The following TMPRSS15 variants were observed in gnomAD, a reference collection of about 807,000 sequenced individuals.
The protein encoded by TMPRSS15 is enteropeptidase.
A neutral mutation model predicts 125.3 loss-of-function variants in TMPRSS15; 128 were observed. That is an observed-to-expected ratio of 1.02 (90% CI 0.89 to 1.18). The LOEUF is 1.18. TMPRSS15 is among the 50% of genes most tolerant of loss of function. TMPRSS15 has a pLI of 0.00. For missense variants in TMPRSS15, 1,283 were observed against 1,212.7 expected (o/e 1.06, Z -0.86); for synonymous variants, 446 against 423.2 (o/e 1.05, Z -0.66).
chr21:18,477,988 TTAAATC>T (rs1056461513), intron 1 of TMPRSS15, among the ~76,000 whole-genome samples: 4 of 151,924 alleles, frequency 2.6e-5, no homozygotes, highest in African/African-American at 9.7e-5. Flanking sequence ...TAATGGCCAT[TTAAATC>T]TATAAAGTCA....
At chr21:18,388,789 A>G (rs1015100873) in intron 3 of TMPRSS15, among the ~76,000 whole-genome samples, 3 of 152,212 alleles carry the variant, frequency 2.0e-5, no homozygotes, top group African/African-American at 7.2e-5. Flanking sequence ...TTTCCCGTGT[A>G]ATGTTACACT....
rs750580774 is a variant in TMPRSS15, at chr21:18,397,996, C to A, written c.277-50G>T. 1.6e-5 allele frequency: 21 copies of A among 1,339,524 alleles called. No homozygotes were observed. The East Asian group carries it at 5.2e-4, about 33-fold the overall frequency. 83.0% of individuals were successfully genotyped at this position (1,339,524 alleles called of 1,614,324 possible). On this transcript the variant is annotated intron_variant, in intron 2 of 24. Coordinates refer to ENST00000284885, the MANE Select transcript of TMPRSS15 (RefSeq NM_002772.3). ...GAGTATACTAAATTTAGGATTTTAA[C>A]TTTTGTTGAAAAATTTATACAAAGC...
upstream of TMPRSS15, among the ~76,000 whole-genome samples, chr21:18,403,860 G>A (rs922229006): frequency 6.6e-6 from 1 of 152,280 alleles, no homozygotes; most frequent in Admixed American, 6.5e-5. Flanking sequence ...GAGTAAAGAT[G>A]CCTAGAGTTG....
chr21:18,308,194 G>A (rs2075057020), intron 18 of TMPRSS15, among the ~76,000 whole-genome samples: 2 of 152,038 alleles, frequency 1.3e-5, no homozygotes, highest in Non-Finnish European at 2.9e-5. Flanking sequence ...TGGAATGAAT[G>A]CCACTTACCC....
intron 13 of TMPRSS15, among the ~76,000 whole-genome samples, chr21:18,334,414 C>T (rs1362582316): frequency 6.6e-6 from 1 of 152,084 alleles, no homozygotes; most frequent in African/African-American, 2.4e-5. Context: ...TGCATGTTAT[C>T]TCATATGGGG....
In TMPRSS15 at chr21:18,319,372, A is replaced by C. The variant is rs574285760; in HGVS notation, c.1922-4116T>G. 2.6e-5 allele frequency among the ~76,000 whole-genome samples: 4 copies of C among 151,972 alleles called. No homozygotes were observed. In the South Asian group the frequency reaches 6.2e-4, roughly 24 times the overall value. On this transcript the variant is annotated intron_variant, in intron 16 of 24. Coordinates refer to ENST00000284885, the MANE Select transcript of TMPRSS15 (RefSeq NM_002772.3). ...ATATACAGAGAATACGCAGTAGATA[A>C]TATTTTTAACAGTAAAAACAGTAAC...
intron 16 of TMPRSS15, among the ~76,000 whole-genome samples, chr21:18,325,229 T>A (rs1005757164): frequency 1.5e-5 from 1 of 68,424 alleles, no homozygotes; most frequent in African/African-American, 6.2e-5. Flanking sequence ...GATCTCAAAG[T>A]ATTTACTCAT....
chr21:18,428,633 A>G (rs2076209387), intron 1 of TMPRSS15, among the ~76,000 whole-genome samples: 1 of 152,170 alleles, frequency 6.6e-6, no homozygotes, highest in Admixed American at 6.5e-5. Flanking sequence ...GGAAGCCCCA[A>G]GCCTTTTCAG....
Position 18,275,233 on chromosome 21 carries a change from ACATAT to A in TMPRSS15, c.2863_2867del (p.Ile955CysfsTer4), listed in dbSNP as rs1480892202. ...CTATTCCTCCTTCTTCATAGCCTGC[ACATAT>A]CATATTTTCAGTAATGTTATATTCT... On this transcript the variant is annotated frameshift_variant, in exon 24 of 25. Coordinates refer to ENST00000284885, the MANE Select transcript of TMPRSS15 (RefSeq NM_002772.3). LOFTEE classifies it high-confidence loss of function. The A allele has an allele frequency of 1.2e-6, 2 of 1,613,998 alleles. No individual in the cohort carries two copies. The highest frequency in any genetic ancestry group is 1.7e-6 in the Non-Finnish European group (2 of 1,179,984).
intron 3 of TMPRSS15, among the ~76,000 whole-genome samples, chr21:18,387,885 T>C (rs1249460093): frequency 6.6e-6 from 1 of 152,154 alleles, no homozygotes; most frequent in Non-Finnish European, 1.5e-5. Context: ...AGAACTCAGT[T>C]ATTTCTGTTT....
chr21:18,305,677 T>C (rs1292129669), intron 18 of TMPRSS15, among the ~76,000 whole-genome samples: 2 of 152,156 alleles, frequency 1.3e-5, no homozygotes, highest in African/African-American at 4.8e-5. Flanking sequence ...TACAAGTCAG[T>C]GGTACACCTA....
chr21:18,478,485 G>A (rs981106290), intron 1 of TMPRSS15, among the ~76,000 whole-genome samples: 5 of 151,922 alleles, frequency 3.3e-5, no homozygotes, highest in African/African-American at 7.2e-5. Context: ...CCACCTCACA[G>A]TACCCTGGTA....
chr21:18,392,799 A>T (rs542338523), intron 3 of TMPRSS15, among the ~76,000 whole-genome samples: 2 of 152,334 alleles, frequency 1.3e-5, no homozygotes, highest in Admixed American at 1.3e-4. Context: ...AAGGTGAAGA[A>T]GCAGCAAGTA....
chr21:18,346,850 C>A (rs1464499861), intron 10 of TMPRSS15, among the ~76,000 whole-genome samples: 5 of 152,120 alleles, frequency 3.3e-5, no homozygotes, highest in African/African-American at 4.8e-5. Flanking sequence ...TATTCAAGAT[C>A]TTTTATTATC....
chr21:18,408,544 A>C (rs1253388099), upstream of TMPRSS15, among the ~76,000 whole-genome samples: 5 of 152,174 alleles, frequency 3.3e-5, no homozygotes, highest in Admixed American at 2.0e-4. Context: ...TATGAGCTTA[A>C]GAAATACACA....
At chr21:18,316,338 T>G (rs1277024003) in intron 16 of TMPRSS15, among the ~76,000 whole-genome samples, 1 of 152,174 alleles carries the variant, frequency 6.6e-6, no homozygotes, top group Non-Finnish European at 1.5e-5. Context: ...ACCATTGAAC[T>G]GTTACTCAAG....
intron 18 of TMPRSS15, among the ~76,000 whole-genome samples, chr21:18,304,489 G>A (rs1216290664): frequency 6.6e-6 from 1 of 152,138 alleles, no homozygotes; most frequent in Non-Finnish European, 1.5e-5. Context: ...ATCCATGGAA[G>A]TTCATGATAA....
At chr21:18,333,639 A>G (rs551505177) in intron 13 of TMPRSS15, among the ~76,000 whole-genome samples, 4 of 152,130 alleles carry the variant, frequency 2.6e-5, no homozygotes, top group African/African-American at 9.7e-5. Flanking sequence ...ATGAAACTTC[A>G]TTTGCTTAAT....
intron 1 of TMPRSS15, among the ~76,000 whole-genome samples, chr21:18,415,699 G>T (rs2225408): frequency 0.65 from 98,604 of 151,826 alleles, 32,298 homozygotes; most frequent in Middle Eastern, 0.75. Context: ...CTTTATTTTG[G>T]TCCACTTAAT....
Sources: allele counts gnomAD v4.1 joint callset (sites outside exome capture counted in the v4.1 genomes callset), GRCh38; gene constraint gnomAD v4.1.1; transcripts MANE v1.5; gene names NCBI Gene and HGNC (gene_info 2026-07-23, HGNC 2026-07-21).